The following GPR158 variants were observed in gnomAD, a reference collection of about 807,000 sequenced individuals.
GPR158 encodes metabotropic glycine receptor.
Under a neutral mutation model 78.2 loss-of-function variants are expected in GPR158, and 30 were observed. The ratio of observed to expected loss-of-function variants is 0.38; its 90% CI spans 0.29 to 0.52. The LOEUF (loss-of-function observed/expected upper bound fraction) is 0.52. Among genes scored for constraint, GPR158 ranks in the 20% least tolerant of loss-of-function variants. The probability of loss-of-function intolerance (pLI) is 0.83; values close to 1 mark genes in which losing one functional copy is unlikely to be tolerated. For missense variants in GPR158, 1,463 were observed against 1,523.5 expected (o/e 0.96, Z 0.66); for synonymous variants, 581 against 591.1 (o/e 0.98, Z 0.25).
In GPR158 at chr10:25,433,568, T is replaced by C. The variant is rs543280508; in HGVS notation, c.1335+21095T>C. Among the ~76,000 whole-genome samples the C allele has an allele frequency of 2.5e-4, 37 of 147,720 alleles. 1 individual carries two copies. The highest frequency in any genetic ancestry group is 3.5e-3 in the Middle Eastern group (1 of 286). ...TGTGTTGTGTGTGTGTGTGTGTGTG[T>C]GTGCGCGCGCGCGTGCGCGTGCGCA... On this transcript the variant is annotated intron_variant, in intron 4 of 10. Transcript: ENST00000376351.
chr10:25,580,270 A>G (rs1289255324), intron 7 of GPR158, among the ~76,000 whole-genome samples: 2 of 152,238 alleles, frequency 1.3e-5, no homozygotes, highest in Non-Finnish European at 2.9e-5. Context: ...GATTTCACAT[A>G]ATATAAAATA....
intron 5 of GPR158, among the ~76,000 whole-genome samples, chr10:25,496,906 G>A (rs544806920): frequency 6.6e-6 from 1 of 152,304 alleles, no homozygotes; most frequent in African/African-American, 2.4e-5. Context: ...GTTGCCAAAT[G>A]GATAGTACAG....
chr10:25,195,996 T>A (rs2130648592), intron 1 of GPR158, among the ~76,000 whole-genome samples: 2 of 152,290 alleles, frequency 1.3e-5, no homozygotes, highest in Middle Eastern at 6.8e-3. Context: ...ATATCTTTTC[T>A]TTTTCCTTGG....
chr10:25,242,701 G>GAATGAA (rs1564400125), intron 2 of GPR158, among the ~76,000 whole-genome samples: 1 of 152,118 alleles, frequency 6.6e-6, no homozygotes, highest in Admixed American at 6.5e-5. Flanking sequence ...ATAATGTATG[G>GAATGAA]AATGAAAATT....
At position 25,599,202 on chromosome 10, in the gene GPR158, C is replaced by G. The variant is rs1337774241; in HGVS notation, c.3576C>G (p.Ala1192=). Residue 1192 remains alanine, a synonymous_variant, in exon 11 of 11, where the codon GCC becomes GCG. Transcript: ENST00000376351. ...CTGGAAGAAGTGTAGCTTTACCTGC[C>G]TCTTCTGCTCTAAGTGCAAATAAGA... ...PNAGRSVALP[A]SSALSANKIA... is the part of the protein sequence containing the mutation. The G allele has an allele frequency of 1.9e-6, 3 of 1,612,044 alleles. No individual in the cohort carries two copies. The highest frequency in any genetic ancestry group is 2.5e-6 in the Non-Finnish European group (3 of 1,179,846).
intron 4 of GPR158, among the ~76,000 whole-genome samples, chr10:25,443,261 AT>A (rs528634545): frequency 1.3e-5 from 2 of 152,046 alleles, no homozygotes; most frequent in African/African-American, 4.8e-5. Context: ...ATTAAAAAAA[AT>A]TTTTTTGTGA....
chr10:25,229,454 A>C (rs917756249), intron 2 of GPR158, among the ~76,000 whole-genome samples: 2 of 152,186 alleles, frequency 1.3e-5, no homozygotes, highest in Non-Finnish European at 2.9e-5. Context: ...TTTAACACTA[A>C]CGATGGCTGC....
rs1021444751 is a variant in GPR158, at chr10:25,567,277, G to A, written c.1515-5372G>A. ...AAAAATCTACCTGGCAGGCTAAAGC[G>A]GTCAGCCTATTGGAAAGGCACCTGC... On this transcript the variant is annotated intron_variant, in intron 6 of 10. Coordinates refer to ENST00000376351, the MANE Select transcript of GPR158 (RefSeq NM_020752.3). 2.6e-5 allele frequency among the ~76,000 whole-genome samples: 4 copies of A among 152,210 alleles called. No homozygotes were observed. In the East Asian group the frequency reaches 5.8e-4, roughly 22 times the overall value.
intron 2 of GPR158, among the ~76,000 whole-genome samples, chr10:25,349,861 A>G (rs897265739): frequency 3.9e-5 from 5 of 127,930 alleles, no homozygotes; most frequent in Non-Finnish European, 7.6e-5. Flanking sequence ...TAGAGCTACC[A>G]CAGCATCCCA....
intron 5 of GPR158, among the ~76,000 whole-genome samples, chr10:25,519,602 G>A (rs964207285): frequency 1.4e-5 from 2 of 143,792 alleles, no homozygotes; most frequent in African/African-American, 2.9e-5. Flanking sequence ...TTGCTTGTCT[G>A]TAAAGTATTT....
chr10:25,457,859 A>G (rs1009297674), intron 4 of GPR158, among the ~76,000 whole-genome samples: 1 of 152,232 alleles, frequency 6.6e-6, no homozygotes. Flanking sequence ...AGGGGAATAC[A>G]TTTAAGTGTG....
In GPR158 at chr10:25,282,248, G is replaced by C. The variant is rs369934152; in HGVS notation, c.1008+61091G>C. 1.1e-3 allele frequency among the ~76,000 whole-genome samples: 174 copies of C among 152,052 alleles called. 1 individual carries two copies. The highest frequency in any genetic ancestry group is 4.0e-3 in the African/African-American group (165 of 41,480). On this transcript the variant is annotated intron_variant, in intron 2 of 10. Coordinates refer to ENST00000376351, the MANE Select transcript of GPR158 (RefSeq NM_020752.3). ...TACAGTATTTGGCCCTTTCAGCCTG[G>C]CTTCTTTTATTTATCATAATCCATG...
chr10:25,353,939 A>C (rs921232577), intron 2 of GPR158, among the ~76,000 whole-genome samples: 1 of 152,044 alleles, frequency 6.6e-6, no homozygotes, highest in African/African-American at 2.4e-5. Flanking sequence ...TTTTGTGGTT[A>C]AGTGATTTTC....
chr10:25,188,402 T>C (rs1270731953), intron 1 of GPR158, among the ~76,000 whole-genome samples: 1 of 151,976 alleles, frequency 6.6e-6, no homozygotes, highest in Non-Finnish European at 1.5e-5. Flanking sequence ...GGCTACAGTA[T>C]CCAAAACAGC....
chr10:25,330,248 A>G (rs1374549639), intron 2 of GPR158, among the ~76,000 whole-genome samples: 1 of 151,884 alleles, frequency 6.6e-6, no homozygotes, highest in Admixed American at 6.6e-5. Context: ...ATATCCTTTT[A>G]TTTCTCTTTT....
chr10:25,381,454 C>T (rs1051755926), intron 2 of GPR158, among the ~76,000 whole-genome samples: 1 of 152,014 alleles, frequency 6.6e-6, no homozygotes, highest in Non-Finnish European at 1.5e-5. Flanking sequence ...TTTAATATGG[C>T]TGAGATTTGT....
chr10:25,241,284 C>CCTTTCTT (rs1195195853), intron 2 of GPR158, among the ~76,000 whole-genome samples: 10 of 109,008 alleles, frequency 9.2e-5, no homozygotes, highest in Non-Finnish European at 1.4e-4. Flanking sequence ...TTCTTTCTTT[C>CCTTTCTT]TTTTCTTTTC....
At chr10:25,542,698 C>T (rs1006255403) in intron 5 of GPR158, among the ~76,000 whole-genome samples, 4 of 151,524 alleles carry the variant, frequency 2.6e-5, no homozygotes, top group Non-Finnish European at 5.9e-5. Flanking sequence ...GTGGTGGGCA[C>T]CTATAATCCT....
intron 7 of GPR158, among the ~76,000 whole-genome samples, chr10:25,586,391 ATTTTTTTTTTTT>A (rs71399977): frequency 1.4e-5 from 1 of 70,868 alleles, no homozygotes; most frequent in Non-Finnish European, 3.0e-5. Context: ...GTATGTGTGA[ATTTTTTTTTTTT>A]TTTTTTTTTT....
Sources: allele counts gnomAD v4.1 joint callset (sites outside exome capture counted in the v4.1 genomes callset), GRCh38; gene constraint gnomAD v4.1.1; transcripts MANE v1.5; gene names NCBI Gene and HGNC (gene_info 2026-07-23, HGNC 2026-07-21).